Variants in SHROOM3 observed in about 807,000 individuals in gnomAD.
The protein encoded by SHROOM3 is protein Shroom3.
In SHROOM3, 47 loss-of-function variants were observed where a neutral mutation model predicts 138.6. The observed-to-expected ratio is 0.34, with a 90% CI of 0.27 to 0.43. The LOEUF (loss-of-function observed/expected upper bound fraction) is 0.43. Ranked by LOEUF, SHROOM3 falls within the 20% of genes least tolerant of loss-of-function variation. The probability of loss-of-function intolerance (pLI) is 1.00; values close to 1 mark genes in which losing one functional copy is unlikely to be tolerated. For synonymous variants in SHROOM3, 1,062 were observed against 1,063.3 expected, an observed-to-expected ratio of 1.00 and a Z score of 0.02; for missense variants, 2,491 against 2,596.5, an observed-to-expected ratio of 0.96 and a Z score of 0.88.
At chr4:76,529,347 C>CA in intron 1 of SHROOM3, among the ~76,000 whole-genome samples, 1 of 151,402 alleles carries the variant, frequency 6.6e-6, no homozygotes, top group Non-Finnish European at 1.5e-5. Context: ...GACAGAGTCT[C>CA]GCTCTGTTGC....
chr4:76,541,009 C>T (rs1185175787), intron 1 of SHROOM3, among the ~76,000 whole-genome samples: 2 of 152,106 alleles, frequency 1.3e-5, no homozygotes. Context: ...GCATGAAATA[C>T]ATATACAATT....
At chr4:76,721,259 C>T (rs534348751) in intron 3 of SHROOM3, among the ~76,000 whole-genome samples, 6 of 150,662 alleles carry the variant, frequency 4.0e-5, no homozygotes, top group African/African-American at 1.2e-4. Context: ...TGCAGTGAGC[C>T]GAGATCCCGC....
intron 4 of SHROOM3, among the ~76,000 whole-genome samples, chr4:76,738,390 C>T (rs183752342): frequency 2.0e-5 from 3 of 152,370 alleles, no homozygotes; most frequent in African/African-American, 7.2e-5. Flanking sequence ...AGTAGACACA[C>T]AGTTTCAGTC....
chr4:76,659,548 A>C (rs1045214269), intron 2 of SHROOM3, among the ~76,000 whole-genome samples: 3 of 152,238 alleles, frequency 2.0e-5, no homozygotes, highest in African/African-American at 7.2e-5. Flanking sequence ...TATATATCAG[A>C]AATCCAGTGA....
intron 2 of SHROOM3, among the ~76,000 whole-genome samples, chr4:76,608,747 A>ATAACATAG (rs1560563546): frequency 6.6e-6 from 1 of 151,216 alleles, no homozygotes; most frequent in Non-Finnish European, 1.5e-5. Context: ...ATAGCATAGC[A>ATAACATAG]CAGTGTCAGG....
chr4:76,757,177 G>A (rs914111119), intron 8 of SHROOM3: 28 of 531,108 alleles, frequency 5.3e-5, no homozygotes, highest in Non-Finnish European at 8.0e-5. Flanking sequence ...CATTGTTAAC[G>A]TTGTGTGTCA....
In SHROOM3 at chr4:76,739,098, A is replaced by G; in HGVS notation, c.925A>G (p.Thr309Ala). 6.2e-7 allele frequency: 1 copy of G among 1,614,212 alleles called. No homozygotes were observed. Among genetic ancestry groups the G allele is most frequent in the Non-Finnish European group, 8.5e-7 (1 of 1,180,030 alleles). Residue 309 changes from threonine to alanine, a missense_variant, in exon 5 of 11, where the codon ACA (threonine) becomes GCA (alanine). Physicochemically the swap from Thr to Ala is moderately conservative, Grantham distance 58. This residue lies in a region of SHROOM3 where 1,733 missense variants were observed against 1,661.6 expected (regional missense o/e 1.04). Coordinates refer to ENST00000296043, the MANE Select transcript of SHROOM3 (RefSeq NM_020859.4). ...MRQADIRYVK[T>A]VYDTRRGVSA... The stretch of plus-strand genomic sequence containing the variant: ...GCAGGCAGATATTCGCTATGTCAAG[A>G]CAGTCTATGACACCCGGAGGGGAGT...
At chr4:76,716,690 A>G (rs879839912) in intron 3 of SHROOM3, among the ~76,000 whole-genome samples, 1 of 152,180 alleles carries the variant, frequency 6.6e-6, no homozygotes, top group Non-Finnish European at 1.5e-5. Flanking sequence ...TGATGTGTGT[A>G]TCTTGACTGG....
intron 1 of SHROOM3, among the ~76,000 whole-genome samples, chr4:76,469,147 A>G (rs189296605): frequency 6.6e-6 from 1 of 152,094 alleles, no homozygotes; most frequent in East Asian, 1.9e-4. Flanking sequence ...ATTGCAGTGA[A>G]CCAAGATCAC....
At chr4:76,674,040 T>C (rs1028433883) in intron 2 of SHROOM3, among the ~76,000 whole-genome samples, 3 of 151,376 alleles carry the variant, frequency 2.0e-5, no homozygotes, top group Non-Finnish European at 4.4e-5. Context: ...ACCCAACTAC[T>C]TTTTTTTTCT....
intron 2 of SHROOM3, among the ~76,000 whole-genome samples, chr4:76,693,393 T>TTTTTA (rs60196776): frequency 6.8e-6 from 1 of 147,120 alleles, no homozygotes; most frequent in East Asian, 2.0e-4. Flanking sequence ...TTTTTTTTTT[T>TTTTTA]AAAGCAACAA....
chr4:76,707,248 T>C (rs1720082869), intron 2 of SHROOM3, among the ~76,000 whole-genome samples: 1 of 152,210 alleles, frequency 6.6e-6, no homozygotes, highest in Admixed American at 6.5e-5. Flanking sequence ...ATTGAACATT[T>C]TTGAAACCTG....
intron 1 of SHROOM3, among the ~76,000 whole-genome samples, chr4:76,535,072 G>A (rs533657586): frequency 6.6e-6 from 1 of 152,226 alleles, no homozygotes; most frequent in East Asian, 1.9e-4. Context: ...AACACACATA[G>A]CACTTCCAGT....
chr4:76,685,992 A>G (rs1387675196), intron 2 of SHROOM3, among the ~76,000 whole-genome samples: 4 of 146,176 alleles, frequency 2.7e-5, no homozygotes, highest in African/African-American at 5.2e-5. Flanking sequence ...AAAAGAAAGT[A>G]TAGAAGTAAG....
Position 76,664,174 on chromosome 4 carries a change from C to CA in SHROOM3, c.324-45981dup, listed in dbSNP as rs1718622750. ...CACATGGGATCCTCCTGGCTGTCAG[C>CA]ATTCATGTAATTTCAAAAAGTATCC... is the stretch of plus-strand genomic sequence containing the variant. On this transcript the variant is annotated intron_variant, in intron 2 of 10. Coordinates refer to ENST00000296043, the MANE Select transcript of SHROOM3 (RefSeq NM_020859.4). This position sits in a 1 kb window ranked among gnomAD's most constrained non-coding sequence, Gnocchi z 4.2. 6.6e-6 allele frequency among the ~76,000 whole-genome samples: 1 copy of CA among 152,220 alleles called. No homozygotes were observed.
chr4:76,651,104 G>A (rs1735945753), intron 2 of SHROOM3, among the ~76,000 whole-genome samples: 1 of 150,734 alleles, frequency 6.6e-6, no homozygotes, highest in South Asian at 2.1e-4. Context: ...TAAACATAGA[G>A]AGTAGAAGGA....
intron 1 of SHROOM3, among the ~76,000 whole-genome samples, chr4:76,522,782 T>C (rs1359759941): frequency 6.6e-6 from 1 of 152,134 alleles, no homozygotes; most frequent in African/African-American, 2.4e-5. Flanking sequence ...AGTGAGACTC[T>C]GTCTCAAATA....
chr4:76,500,945 T>C (rs932228285), intron 1 of SHROOM3, among the ~76,000 whole-genome samples: 2 of 152,100 alleles, frequency 1.3e-5, no homozygotes, highest in Non-Finnish European at 2.9e-5. Context: ...TAGTTGGGAC[T>C]ACAAGCGCAC....
intron 1 of SHROOM3, among the ~76,000 whole-genome samples, chr4:76,552,722 T>C (rs1733391629): frequency 6.6e-6 from 1 of 151,768 alleles, no homozygotes; most frequent in Non-Finnish European, 1.5e-5. Context: ...ATATAATTGC[T>C]TGGTCTATTT....
Sources: allele counts gnomAD v4.1 joint callset (sites outside exome capture counted in the v4.1 genomes callset), GRCh38; gene constraint gnomAD v4.1.1; regional missense constraint gnomAD v4.1.1; non-coding constraint Gnocchi (gnomAD v3.1); transcripts MANE v1.5; gene names NCBI Gene and HGNC (gene_info 2026-07-23, HGNC 2026-07-21).